The following HERC4 variants were observed in gnomAD, a reference collection of about 807,000 sequenced individuals.
HERC4 encodes the protein HECT and RLD domain containing E3 ubiquitin protein ligase 4.
A neutral mutation model predicts 124.3 loss-of-function variants in HERC4; 28 were observed. That is an observed-to-expected ratio of 0.23 (90% CI 0.17 to 0.31). The LOEUF is 0.31. Among genes scored for constraint, HERC4 ranks in the 10% least tolerant of loss-of-function variants. HERC4 has a pLI of 1.00. For missense variants in HERC4, 713 were observed against 1,229.3 expected (o/e 0.58, Z 6.28); for synonymous variants, 407 against 421.5 (o/e 0.97, Z 0.42).
chr10:67,982,168 CA>C (rs1161341886), intron 15 of HERC4, among the ~76,000 whole-genome samples: 1 of 151,966 alleles, frequency 6.6e-6, no homozygotes, highest in Non-Finnish European at 1.5e-5. Flanking sequence ...CTATCTTAAG[CA>C]AAAAGAACAA....
At chr10:68,041,283 T>C (rs1359118108) in intron 4 of HERC4, among the ~76,000 whole-genome samples, 1 of 151,588 alleles carries the variant, frequency 6.6e-6, no homozygotes, top group Non-Finnish European at 1.5e-5. Context: ...AAGAAAAATC[T>C]TAACACCAAC....
At position 67,922,627 on chromosome 10, in the gene HERC4, C is replaced by CTGA. The variant is rs2030335395; in HGVS notation, c.*303_*304insTCA. 5.6e-6 allele frequency: 1 copy of CTGA among 179,732 alleles called. No individual in the cohort carries two copies. Among genetic ancestry groups the CTGA allele is most frequent in the South Asian group, 1.7e-4 (1 of 5,824 alleles). The allele number at this position is 179,732 out of a possible 1,614,324, so 11.1% of individuals were successfully genotyped here. ...ATTAAGCAATATTTCCATGCACTCA[C>CTGA]ACCAGATCATTTCTGAAATATGCAA... On this transcript the variant is annotated 3_prime_UTR_variant, in exon 25 of 25. Coordinates refer to ENST00000373700, the MANE Select transcript of HERC4 (RefSeq NM_015601.4).
chr10:68,059,718 TTA>T (rs1289557883), intron 3 of HERC4, among the ~76,000 whole-genome samples: 1 of 55,354 alleles, frequency 1.8e-5, no homozygotes, highest in Admixed American at 3.1e-4. Context: ...TATCATAATA[TTA>T]TATATTATAT....
At chr10:67,928,077 G>A (rs1265736360) in intron 23 of HERC4, among the ~76,000 whole-genome samples, 1 of 152,132 alleles carries the variant, frequency 6.6e-6, no homozygotes, top group African/African-American at 2.4e-5. Flanking sequence ...TGATTATCAG[G>A]GGAAGAGAAT....
intron 22 of HERC4, among the ~76,000 whole-genome samples, chr10:67,934,298 T>C (rs769104091): frequency 6.6e-6 from 1 of 152,240 alleles, no homozygotes; most frequent in Non-Finnish European, 1.5e-5. Flanking sequence ...TAAAAAGAAC[T>C]TCTGTTTTCT....
intron 9 of HERC4, among the ~76,000 whole-genome samples, chr10:68,011,989 T>C (rs1362051623): frequency 3.3e-5 from 5 of 152,256 alleles, no homozygotes; most frequent in Admixed American, 2.6e-4. Context: ...CTGTAGCATA[T>C]ACATCAGTAC....
chr10:67,999,413 C>T (rs1185789836), intron 9 of HERC4, among the ~76,000 whole-genome samples: 1 of 152,188 alleles, frequency 6.6e-6, no homozygotes, highest in Admixed American at 6.5e-5. Flanking sequence ...GACTCTCCTA[C>T]AAGCTACAGG....
chr10:68,013,703 T>TAA (rs1431250960), intron 9 of HERC4, among the ~76,000 whole-genome samples: 1 of 152,184 alleles, frequency 6.6e-6, no homozygotes, highest in Non-Finnish European at 1.5e-5. Flanking sequence ...AAAAAATGGT[T>TAA]ACGTCTGTAA....
At chr10:68,068,634 T>A (rs2041418019) in intron 3 of HERC4, 1 of 151,910 alleles carries the variant, frequency 6.6e-6, no homozygotes, top group East Asian at 1.9e-4. Context: ...CACTCTACCC[T>A]AAGCAACAGA....
chr10:67,944,691 G>T (rs1354813966), intron 19 of HERC4, among the ~76,000 whole-genome samples: 3 of 152,014 alleles, frequency 2.0e-5, no homozygotes, highest in Non-Finnish European at 4.4e-5. Flanking sequence ...GCTGTTTTGA[G>T]GAAAAAGAAA....
chr10:68,029,718 T>C (rs1482358571), intron 7 of HERC4, among the ~76,000 whole-genome samples: 1 of 148,448 alleles, frequency 6.7e-6, no homozygotes, highest in Admixed American at 6.7e-5. Context: ...AATTTACATA[T>C]AATTTTTACA....
intron 19 of HERC4, among the ~76,000 whole-genome samples, chr10:67,947,570 T>G (rs1019433885): frequency 1.2e-4 from 19 of 152,062 alleles, no homozygotes; most frequent in African/African-American, 4.6e-4. Context: ...AATAAGGAAA[T>G]AGAGAACCTG....
chr10:67,996,516 C>G (rs1206310135), intron 9 of HERC4, among the ~76,000 whole-genome samples: 1 of 152,112 alleles, frequency 6.6e-6, no homozygotes, highest in Non-Finnish European at 1.5e-5. Flanking sequence ...TCCCTTTCCA[C>G]TCTTAGCACT....
intron 7 of HERC4, among the ~76,000 whole-genome samples, chr10:68,031,808 CA>C (rs1589375280): frequency 6.6e-6 from 1 of 152,218 alleles, no homozygotes; most frequent in East Asian, 1.9e-4. Context: ...GGCTGCAGTG[CA>C]GTGGTGTGAT....
chr10:67,950,426 C>T (rs1459501663), intron 19 of HERC4, among the ~76,000 whole-genome samples: 1 of 152,090 alleles, frequency 6.6e-6, no homozygotes, highest in Non-Finnish European at 1.5e-5. Context: ...CAGATGCATT[C>T]CACCATGCCC....
At position 67,974,866 on chromosome 10, in the gene HERC4, T is replaced by C. The variant is rs76014573; in HGVS notation, c.1807-8064A>G. On this transcript the variant is annotated intron_variant, in intron 15 of 24. Transcript: ENST00000373700. ...GCATATCGAGAAGGGAAGCTAAAATTTTCACTACAATGCAGACTCTACCTT... is the reference window on the plus strand; with the variant it reads ...GCATATCGAGAAGGGAAGCTAAAATCTTCACTACAATGCAGACTCTACCTT... Among the ~76,000 whole-genome samples, 607 of 152,160 alleles carry C rather than the reference T, an allele frequency of 4.0e-3. 8 individuals carry two copies. Among genetic ancestry groups the C allele is most frequent in the African/African-American group, 0.014 (579 of 41,514 alleles).
intron 24 of HERC4, among the ~76,000 whole-genome samples, chr10:67,924,398 C>T (rs1012679719): frequency 4.6e-5 from 7 of 152,148 alleles, no homozygotes; most frequent in Admixed American, 3.3e-4. Flanking sequence ...ATATAGTCTA[C>T]TACACACCTA....
chr10:67,947,388 C>A (rs990595538), intron 19 of HERC4, among the ~76,000 whole-genome samples: 9 of 152,252 alleles, frequency 5.9e-5, no homozygotes, highest in Admixed American at 3.9e-4. Flanking sequence ...ATAACAGGGT[C>A]AATTCATCAA....
Position 67,931,277 on chromosome 10 carries a change from C to T in HERC4, c.2838+1320G>A, listed in dbSNP as rs917407286. Among the ~76,000 whole-genome samples, 3 of 152,102 alleles carry T rather than the reference C, an allele frequency of 2.0e-5. No homozygotes were observed. The South Asian group carries it at 6.2e-4, about 32-fold the overall frequency. ...GGCATTACAGGCATGAGCCACCACA[C>T]AGGGCCAGCACTTTCTATTAAATGT... On this transcript the variant is annotated intron_variant, in intron 23 of 24. Coordinates refer to ENST00000373700, the MANE Select transcript of HERC4 (RefSeq NM_015601.4).
Sources: allele counts gnomAD v4.1 joint callset (sites outside exome capture counted in the v4.1 genomes callset), GRCh38; gene constraint gnomAD v4.1.1; transcripts MANE v1.5; gene names NCBI Gene and HGNC (gene_info 2026-07-23, HGNC 2026-07-21).